DNAH8: variants seen among roughly 807,000 people sequenced by gnomAD.
The protein encoded by DNAH8 is dynein axonemal heavy chain 8, also known as axonemal beta dynein heavy chain 8.
DNAH8 carries 382 observed loss-of-function variants against 562.1 expected under a neutral mutation model. That is an observed-to-expected ratio of 0.68 (90% CI 0.63 to 0.74). DNAH8 has a LOEUF of 0.74. Ranked by LOEUF, DNAH8 falls within the 30% of genes least tolerant of loss-of-function variation. The pLI is 0.00. For synonymous variants in DNAH8, 1,881 were observed against 1,919.4 expected (o/e 0.98, Z 0.52); for missense variants, 5,203 against 5,620.4 (o/e 0.93, Z 2.37).
chr6:38,822,504 T>C (rs991292713), intron 26 of DNAH8: 2 of 182,926 alleles, frequency 1.1e-5, no homozygotes, highest in African/African-American at 4.7e-5. Context: ...ACCACTGCGC[T>C]ATTCCTCAGG....
intron 8 of DNAH8, among the ~76,000 whole-genome samples, chr6:38,743,015 T>G (rs1190404348): frequency 3.2e-5 from 4 of 126,806 alleles, no homozygotes; most frequent in South Asian, 2.5e-4. Context: ...TGCTTTTTTT[T>G]TTTTTTTTTT....
chr6:38,851,255 A>C (rs1308765336), intron 38 of DNAH8, among the ~76,000 whole-genome samples: 1 of 152,080 alleles, frequency 6.6e-6, no homozygotes, highest in Non-Finnish European at 1.5e-5. Flanking sequence ...GTTTGGAGAT[A>C]CGGTTTGTGC....
chr6:39,027,849 TA>T (rs1246101493), intron 92 of DNAH8, among the ~76,000 whole-genome samples: 2 of 152,002 alleles, frequency 1.3e-5, no homozygotes, highest in Non-Finnish European at 2.9e-5. Flanking sequence ...AATAAAATTT[TA>T]AAAAAGGTAG....
At position 38,724,506 on chromosome 6, in the gene DNAH8, G is replaced by GT. The variant is rs371592231; in HGVS notation, c.525+1036dup. ...AATAAGTCAGGAAACAGTGACTATT[G>GT]TATGAGTATACGGTAGTAGAAATAG... On this transcript the variant is annotated intron_variant, in intron 3 of 92. Coordinates refer to ENST00000327475, the MANE Select transcript of DNAH8 (RefSeq NM_001206927.2). 4.7e-4 allele frequency among the ~76,000 whole-genome samples: 71 copies of GT among 152,268 alleles called. 1 individual carries two copies. The highest frequency in any genetic ancestry group is 1.7e-3 in the African/African-American group (71 of 41,556).
intron 71 of DNAH8, 21 bp from the exon 72 acceptor site, chr6:38,923,031 TGAGACA>T: frequency 1.3e-6 from 2 of 1,598,160 alleles, no homozygotes; most frequent in South Asian, 1.1e-5. Flanking sequence ...AAAAGTTTTT[TGAGACA>T]TTCTCCCATT....
intron 21 of DNAH8, among the ~76,000 whole-genome samples, chr6:38,794,379 T>C (rs955513054): frequency 2.6e-5 from 4 of 152,200 alleles, no homozygotes; most frequent in African/African-American, 9.6e-5. Context: ...GCTTTTTATT[T>C]TAGTTTCTAT....
chr6:38,968,252 A>G (rs886166427), intron 82 of DNAH8, among the ~76,000 whole-genome samples: 1 of 152,222 alleles, frequency 6.6e-6, no homozygotes, highest in African/African-American at 2.4e-5. Context: ...TTTTCTAGAT[A>G]TGAAACCAAA....
intron 80 of DNAH8, among the ~76,000 whole-genome samples, chr6:38,948,678 C>G (rs1313932201): frequency 2.0e-5 from 3 of 152,168 alleles, no homozygotes; most frequent in Non-Finnish European, 1.5e-5. Flanking sequence ...AATAACCCAG[C>G]CTGATTGTTG....
intron 87 of DNAH8, among the ~76,000 whole-genome samples, chr6:38,988,217 A>G (rs999722420): frequency 1.3e-5 from 2 of 152,076 alleles, no homozygotes; most frequent in Admixed American, 1.3e-4. Flanking sequence ...ACTGTATTGG[A>G]TGTTCATGGG....
chr6:38,718,219 G>C (rs1356959618), intron 1 of DNAH8, among the ~76,000 whole-genome samples: 1 of 152,174 alleles, frequency 6.6e-6, no homozygotes, highest in Non-Finnish European at 1.5e-5. Flanking sequence ...TTACAAACAT[G>C]TTGTAGTGAA....
rs1296935143 is a variant in DNAH8 at position 38,803,247 on chromosome 6, A to G, written c.2970A>G (p.Glu990=). The G allele has an allele frequency of 1.2e-6, 2 of 1,609,992 alleles. No individual in the cohort carries two copies. Among genetic ancestry groups the G allele is most frequent in the Non-Finnish European group, 8.5e-7 (1 of 1,177,094 alleles). ...AGCATGTGGAAGAAGCTGTCAGAGA[A>G]CTTATATCAATATTTGAGCAGATTT... The part of the protein sequence containing the change: ...KSKHVEEAVR[E]LISIFEQIYE... The change falls in exon 22 of 93, where the codon GAA becomes GAG. Residue 990 remains glutamate (E), a synonymous_variant. Transcript: ENST00000327475.
In DNAH8 at chr6:38,909,714, T is replaced by C. The variant is rs141147863; in HGVS notation, c.9710T>C (p.Val3237Ala). The C allele has an allele frequency of 2.9e-4, 465 of 1,613,966 alleles. No homozygotes were observed. Among genetic ancestry groups the C allele is most frequent in the Non-Finnish European group, 2.2e-4 (258 of 1,179,972 alleles). ...VETMGLFHDM[V>A]SESCESYFQR... ...ACAATGGGCCTGTTTCATGACATGG[T>C]TTCAGAGAGCTGTGAAAGTTATTTC... The change falls in exon 65 of 93, where the codon GTT becomes GCT. Residue 3237 changes from valine (V) to alanine (A), a missense_variant. Coordinates refer to ENST00000327475, the MANE Select transcript of DNAH8 (RefSeq NM_001206927.2).
chr6:38,882,772 A>G, intron 53 of DNAH8, 138 bp from the exon 54 acceptor site: 1 of 584,742 alleles, frequency 1.7e-6, no homozygotes, highest in Non-Finnish European at 2.8e-6. Flanking sequence ...ATAAGCAGAT[A>G]TATTAACATG....
chr6:39,005,621 T>C (rs1257781818), intron 88 of DNAH8, among the ~76,000 whole-genome samples: 2 of 152,274 alleles, frequency 1.3e-5, no homozygotes, highest in South Asian at 2.1e-4. Context: ...CATGTGCTTA[T>C]TGACCCATCT....
chr6:38,935,721 G>A (rs780627067), intron 77 of DNAH8, 24 bp downstream of exon 77: 1 of 1,493,952 alleles, frequency 6.7e-7, no homozygotes. Context: ...AAGAAGTAAT[G>A]AAATAACGGA....
chr6:38,989,197 C>T (rs1445753605), intron 87 of DNAH8, among the ~76,000 whole-genome samples: 1 of 152,206 alleles, frequency 6.6e-6, no homozygotes, highest in East Asian at 1.9e-4. Flanking sequence ...CTGTCAAGTG[C>T]TCCGAGTAAT....
At chr6:38,839,203 A>T (rs182564887) in intron 33 of DNAH8, among the ~76,000 whole-genome samples, 1 of 152,258 alleles carries the variant, frequency 6.6e-6, no homozygotes, top group East Asian at 1.9e-4. Flanking sequence ...TGTGATGCAC[A>T]CTCAGCCTGA....
intron 8 of DNAH8, among the ~76,000 whole-genome samples, chr6:38,744,785 A>T (rs1258306016): frequency 6.6e-6 from 1 of 151,872 alleles, no homozygotes; most frequent in Non-Finnish European, 1.5e-5. Flanking sequence ...TTTTATAGAG[A>T]TAGGATCTTA....
intron 3 of DNAH8, among the ~76,000 whole-genome samples, chr6:38,723,871 G>C (rs1007010127): frequency 5.3e-5 from 8 of 151,542 alleles, no homozygotes; most frequent in Non-Finnish European, 1.0e-4. Flanking sequence ...AAACAAAAAA[G>C]AAAGAAAAAA....
Sources: allele counts gnomAD v4.1 joint callset (sites outside exome capture counted in the v4.1 genomes callset), GRCh38; gene constraint gnomAD v4.1.1; transcripts MANE v1.5; gene names NCBI Gene and HGNC (gene_info 2026-07-23, HGNC 2026-07-21).